The following MCF2 variants were observed in gnomAD, a reference collection of about 807,000 sequenced individuals.
MCF2 encodes proto-oncogene DBL.
A neutral mutation model predicts 82.5 loss-of-function variants in MCF2; 44 were observed. The observed-to-expected ratio is 0.53, with a 90% CI of 0.42 to 0.69. The LOEUF (loss-of-function observed/expected upper bound fraction) is 0.69. Among genes scored for constraint, MCF2 ranks in the 30% least tolerant of loss-of-function variants. MCF2 has a pLI of 0.00. For missense variants in MCF2, 623 were observed against 663.1 expected, an observed-to-expected ratio of 0.94 and a Z score of 0.66; for synonymous variants, 217 against 224.9, an observed-to-expected ratio of 0.96 and a Z score of 0.32.
At chrX:139,600,843 T>C (rs1462070997) in intron 16 of MCF2, among the ~76,000 whole-genome samples, 1 of 110,838 alleles carries the variant, frequency 9.0e-6, no homozygotes, top group African/African-American at 3.3e-5. Flanking sequence ...ACATGGGTAA[T>C]AGGAACCAAA....
intron 2 of MCF2, among the ~76,000 whole-genome samples, chrX:139,650,296 T>C (rs1933952805): frequency 9.0e-6 from 1 of 111,346 alleles, no homozygotes; most frequent in Non-Finnish European, 1.9e-5. Context: ...TAAGGTTACA[T>C]TGAGCTATGA....
At chrX:139,642,862 A>C (rs1284187149) in exon 1 of MCF2, 1 of 899,935 alleles carries the variant, frequency 1.1e-6, no homozygotes, top group African/African-American at 2.1e-5. Flanking sequence ...GGAGGAGGAA[A>C]AAAAAACCAG....
intron 2 of MCF2, among the ~76,000 whole-genome samples, chrX:139,649,137 T>A (rs1933906070): frequency 8.9e-6 from 1 of 112,398 alleles, no homozygotes; most frequent in African/African-American, 3.2e-5. Context: ...TCAAATTAAT[T>A]ATTTGCCTCA....
chrX:139,698,155 A>AAAAATAAAATAAAAAT lies in MCF2; in HGVS notation c.-45+9950_-45+9951insATTTTTATTTTATTTT, dbSNP rs1462460065. On this transcript the variant is annotated intron_variant, in intron 1 of 27. Transcript: ENST00000414978. ...ACAAAGTGAGACCCTGTCTCAAAAT[A>AAAAATAAAATAAAAAT]AAAATAAAAATAAAAATCCTTGCTC... Among the ~76,000 whole-genome samples, 453 of 112,034 alleles carry AAAAATAAAATAAAAAT rather than the reference A, an allele frequency of 4.0e-3. 3 individuals carry two copies. The highest frequency in any genetic ancestry group is 5.8e-3 in the Non-Finnish European group (308 of 53,250).
rs369846392 is a variant in MCF2, at chrX:139,605,699, T to C, written c.1557+14A>G. On this transcript the variant is annotated intron_variant, in intron 13 of 24. Transcript: ENST00000370576. ...TCGGGAAAAGATAGGGCAAATACAA[T>C]TTGAGTCGCTTACCAACAAAACAGT... The C allele has an allele frequency of 1.7e-6, 2 of 1,186,684 alleles. No individual in the cohort carries two copies. The highest frequency in any genetic ancestry group is 2.3e-6 in the Non-Finnish European group (2 of 880,773).
rs768915146 is a variant in MCF2, at chrX:139,597,410, G to A, written c.2055+50C>T. 3.1e-5 allele frequency: 31 copies of A among 1,010,372 alleles called. No homozygotes were observed. The South Asian group carries it at 5.5e-4, about 18-fold the overall frequency. The allele number at this position is 1,010,372 out of a possible 1,213,427, so 83.3% of individuals were successfully genotyped here. ...TTGGTTCCAGGAGGGGAAAAGGGAT[G>A]TTGAGATGCCGACCCTCTAAAATTC... On this transcript the variant is annotated intron_variant, in intron 18 of 24. Transcript: ENST00000370576.
At chrX:139,673,309 A>G (rs908396219) in intron 1 of MCF2, among the ~76,000 whole-genome samples, 4 of 109,269 alleles carry the variant, frequency 3.7e-5, no homozygotes, top group African/African-American at 1.3e-4. Flanking sequence ...TTGCATCTCT[A>G]TCTCCTTCAG....
At chrX:139,610,064 C>T (rs775181365) in intron 11 of MCF2, among the ~76,000 whole-genome samples, 4 of 112,259 alleles carry the variant, frequency 3.6e-5, no homozygotes, top group African/African-American at 1.3e-4. Context: ...AGATGTTCTA[C>T]AGAAATGATT....
At chrX:139,645,233 T>C (rs1489202164), upstream of MCF2, among the ~76,000 whole-genome samples, 1 of 110,908 alleles carries the variant, frequency 9.0e-6, no homozygotes, top group Non-Finnish European at 1.9e-5. Context: ...CATACGAGTA[T>C]GCAACACAGC....
intron 20 of MCF2, among the ~76,000 whole-genome samples, chrX:139,589,552 T>C (rs1929308014): frequency 9.0e-6 from 1 of 111,523 alleles, no homozygotes; most frequent in African/African-American, 3.3e-5. Context: ...CTTGGAAATT[T>C]GATGGGGACA....
chrX:139,650,780 C>T (rs945240162), intron 2 of MCF2, among the ~76,000 whole-genome samples: 1 of 111,495 alleles, frequency 9.0e-6, no homozygotes, highest in Admixed American at 9.6e-5. Flanking sequence ...GTAGAAGCAA[C>T]CAAAGTATCT....
chrX:139,641,289 G>A lies in MCF2; in HGVS notation c.51+1179C>T, dbSNP rs1338041124. On this transcript the variant is annotated intron_variant, in intron 1 of 24. Transcript: ENST00000370576. ...TATCAGTTGCCTACAATACTGCAAA[G>A]TACATACACAAACATTTCTTGTGCA... Among the ~76,000 whole-genome samples, 14 of 109,343 alleles carry A rather than the reference G, an allele frequency of 1.3e-4. No homozygotes were observed. The East Asian group carries it at 3.7e-3, about 29-fold the overall frequency. The allele number at this position is 109,343 out of a possible 115,157, so 95.0% of individuals were successfully genotyped here. A position where few individuals can be genotyped will look rare whatever the true frequency, so the allele number is the denominator to read the frequency against.
chrX:139,705,913 C>A (rs1207962036), intron 1 of MCF2, among the ~76,000 whole-genome samples: 1 of 112,224 alleles, frequency 8.9e-6, no homozygotes, highest in African/African-American at 3.2e-5. Flanking sequence ...ATGACATGAA[C>A]AGGCACTTTT....
intron 1 of MCF2, among the ~76,000 whole-genome samples, chrX:139,673,414 T>C (rs1456882372): frequency 8.9e-6 from 1 of 112,139 alleles, no homozygotes; most frequent in African/African-American, 3.2e-5. Context: ...TGTTAGGCTG[T>C]CGATTTTAGA....
intron 11 of MCF2, among the ~76,000 whole-genome samples, chrX:139,609,993 G>A (rs1041205926): frequency 1.2e-4 from 13 of 112,615 alleles, no homozygotes; most frequent in African/African-American, 3.9e-4. Context: ...AAGGTGCAAC[G>A]CTTACTTACG....
chrX:139,668,883 A>T (rs1934602950), intron 1 of MCF2, among the ~76,000 whole-genome samples: 1 of 111,298 alleles, frequency 9.0e-6, no homozygotes, highest in African/African-American at 3.3e-5. Context: ...ATGTATATAT[A>T]TAAAAATTAA....
At chrX:139,632,415 G>C in exon 2 of MCF2, 1 of 1,205,305 alleles carries the variant, frequency 8.3e-7, no homozygotes, top group Non-Finnish European at 1.1e-6. Flanking sequence ...CTGGTAGGAC[G>C]TAAAACCAAA....
chrX:139,697,434 G>A (rs1383630518), intron 1 of MCF2, among the ~76,000 whole-genome samples: 1 of 111,850 alleles, frequency 8.9e-6, no homozygotes, highest in East Asian at 2.8e-4. Flanking sequence ...ATTTTCTTTT[G>A]TGCTTAAACT....
Position 139,649,494 on chromosome X carries a change from A to G in MCF2, c.25+2226T>C, listed in dbSNP as rs756109848. 3.6e-5 allele frequency among the ~76,000 whole-genome samples: 4 copies of G among 111,706 alleles called. No homozygotes were observed. In the South Asian group the frequency reaches 1.5e-3, roughly 42 times the overall value. On this transcript the variant is annotated intron_variant, in intron 2 of 27. Transcript: ENST00000414978. The stretch of plus-strand genomic sequence containing the variant: ...ATACTTGCCAAGCAAGCTGGTGAGC[A>G]CTCTAGTTAAGGACAGAACCATCTA...
Sources: gnomAD v4.1 joint callset for allele counts (sites outside exome capture counted in the v4.1 genomes callset) on GRCh38, gnomAD v4.1.1 for gene constraint, MANE v1.5 for transcripts, NCBI Gene and HGNC (gene_info 2026-07-23, HGNC 2026-07-21) for gene names.